Variants in PHF2 observed in about 807,000 individuals in gnomAD.
PHF2 encodes lysine-specific demethylase PHF2.
In PHF2, 27 loss-of-function variants were observed where a neutral mutation model predicts 120.5. That is an observed-to-expected ratio of 0.22 (90% CI 0.17 to 0.31). The LOEUF (loss-of-function observed/expected upper bound fraction) is 0.31, where lower values mean the gene tolerates loss of function less well. PHF2 is among the 10% of genes least tolerant of loss of function. The pLI is 1.00. For missense variants in PHF2, 1,024 were observed against 1,434.8 expected (o/e 0.71, Z 4.63); for synonymous variants, 568 against 592.5 (o/e 0.96, Z 0.60).
chr9:93,636,891 C>CG (rs1826102547), intron 3 of PHF2, among the ~76,000 whole-genome samples: 4 of 152,244 alleles, frequency 2.6e-5, no homozygotes, highest in African/African-American at 9.6e-5. Flanking sequence ...GCTCCCATGG[C>CG]CCAGGCAGGC....
At position 93,634,042 on chromosome 9, in the gene PHF2, G is replaced by A. The variant is rs144637037; in HGVS notation, c.185-2369G>A. The stretch of plus-strand genomic sequence containing the variant: ...CCTTGGAGCCCAGCCCACACTCGGT[G>A]TTCCTCGCAGGTGGTGACCTAAGGG... On this transcript the variant is annotated intron_variant, in intron 2 of 21. Transcript: ENST00000359246. Among the ~76,000 whole-genome samples, 618 of 152,308 alleles carry A rather than the reference G, an allele frequency of 4.1e-3. 10 individuals are homozygous for A. Among genetic ancestry groups the A allele is most frequent in the African/African-American group, 0.014 (568 of 41,574 alleles).
At chr9:93,621,073 G>A (rs1415802347) in intron 1 of PHF2, among the ~76,000 whole-genome samples, 4 of 152,228 alleles carry the variant, frequency 2.6e-5, no homozygotes, top group African/African-American at 7.2e-5. Flanking sequence ...GGCCACTGTC[G>A]GGGTTGGTGG....
At position 93,619,439 on chromosome 9, in the gene PHF2, A is replaced by T. The variant is rs550944495; in HGVS notation, c.99-10531A>T. Among the ~76,000 whole-genome samples the T allele has an allele frequency of 7.9e-5, 12 of 152,354 alleles. No individual in the cohort carries two copies. The South Asian group carries it at 2.5e-3, about 32-fold the overall frequency. On this transcript the variant is annotated intron_variant, in intron 1 of 21. Transcript: ENST00000359246. ...TGACCTTGCCTGTACGAGGCTGAGC[A>T]TTCCAAGTGTCCTCAGGGTGGAGGG...
At position 93,614,398 on chromosome 9, in the gene PHF2, GGCTTCTGTTCCCAGCTA is replaced by G. The variant is rs530554727; in HGVS notation, c.99-15559_99-15543del. Among the ~76,000 whole-genome samples, 36 of 152,310 alleles carry G rather than the reference GGCTTCTGTTCCCAGCTA, an allele frequency of 2.4e-4. No homozygotes were observed. In the South Asian group the frequency reaches 6.4e-3, roughly 27 times the overall value. On this transcript the variant is annotated intron_variant, in intron 1 of 21. Coordinates refer to ENST00000359246, the MANE Select transcript of PHF2 (RefSeq NM_005392.4). ...CCCCAGTGACTTCTGTTTCCCCTGT[GGCTTCTGTTCCCAGCTA>G]GCTTCTGTTCCCTCTGGCTGCCCCT...
chr9:93,578,657 G>A (rs1862879759), intron 1 of PHF2, among the ~76,000 whole-genome samples: 1 of 152,192 alleles, frequency 6.6e-6, no homozygotes, highest in African/African-American at 2.4e-5. Flanking sequence ...GACCCTCTGG[G>A]AAGGGAAGGC....
chr9:93,660,264 GAGA>G lies in PHF2; in HGVS notation c.1405_1407del (p.Lys469del), dbSNP rs1359531273. 1.9e-6 allele frequency: 3 copies of G among 1,609,086 alleles called. No homozygotes were observed. The highest frequency in any genetic ancestry group is 1.1e-5 in the South Asian group (1 of 90,174). Reference sequence around the variant, plus strand: ...AGATGAGGTGTGTGACGGGGACCGGGAGAAGGAGGAGCCCCCGTCTCCCATTGA... The same window carrying G: ...AGATGAGGTGTGTGACGGGGACCGGGAGGAGGAGCCCCCGTCTCCCATTGA... On this transcript the variant is annotated inframe_deletion, in exon 12 of 22. Transcript: ENST00000359246.
rs909618337 is a variant in PHF2, at chr9:93,576,977, GGCCGCCGCC to G, written c.98+118_98+126del. Reference sequence around the variant, plus strand: ...CGCCCGCAGGCCCGGCTCGGGGACGGGCCGCCGCCGCCGCCGCCGCATTCCGGGCGCCCC... The same window carrying G: ...CGCCCGCAGGCCCGGCTCGGGGACGGGCCGCCGCCGCATTCCGGGCGCCCC... On this transcript the variant is annotated intron_variant, in intron 1 of 21. Transcript: ENST00000359246. 6.0e-3 allele frequency: 1,926 copies of G among 318,514 alleles called. 15 individuals carry two copies. Among genetic ancestry groups the G allele is most frequent in the Non-Finnish European group, 7.3e-3 (1,622 of 223,158 alleles). The allele number at this position is 318,514 out of a possible 1,614,324, so 19.7% of individuals were successfully genotyped here.
intron 1 of PHF2, among the ~76,000 whole-genome samples, chr9:93,617,448 T>G (rs570377213): frequency 2.0e-5 from 3 of 152,230 alleles, no homozygotes; most frequent in African/African-American, 7.2e-5. Context: ...GGGAGAGAAC[T>G]CAGGTTTTGC....
chr9:93,619,186 TC>T (rs1031135900), intron 1 of PHF2, among the ~76,000 whole-genome samples: 4 of 152,104 alleles, frequency 2.6e-5, no homozygotes, highest in African/African-American at 7.2e-5. Flanking sequence ...CCCTACCCTT[TC>T]CCTCAGTGTG....
At chr9:93,652,528 TG>T (rs573637643) in intron 5 of PHF2, among the ~76,000 whole-genome samples, 119 of 152,178 alleles carry the variant, frequency 7.8e-4, no homozygotes, top group African/African-American at 2.7e-3. Context: ...CCTGAGTTCG[TG>T]GTCCGCCCAC....
At chr9:93,660,787 G>A (rs1306410712) in intron 12 of PHF2, among the ~76,000 whole-genome samples, 4 of 152,342 alleles carry the variant, frequency 2.6e-5, no homozygotes, top group South Asian at 4.1e-4. Flanking sequence ...ACCCCCCAGA[G>A]TGGACAGGCT....
At chr9:93,667,008 C>T in intron 16 of PHF2, 72 bp from the exon 17 acceptor site, 1 of 1,307,274 alleles carries the variant, frequency 7.6e-7, no homozygotes, top group Non-Finnish European at 1.0e-6. Flanking sequence ...AAAAAGTATC[C>T]TCCTCCCAAC....
chr9:93,630,110 T>C (rs1194970848), intron 2 of PHF2, 55 bp downstream of exon 2: 10 of 1,533,520 alleles, frequency 6.5e-6, no homozygotes, highest in South Asian at 5.6e-5. Flanking sequence ...GCATCCACCC[T>C]GCCTGGGCTG....
intron 1 of PHF2, among the ~76,000 whole-genome samples, chr9:93,604,706 C>T (rs1490991364): frequency 5.9e-5 from 9 of 152,094 alleles, no homozygotes; most frequent in East Asian, 1.9e-4. Context: ...CCTTGTGATC[C>T]GCCTGCCTCG....
At chr9:93,596,292 C>T (rs564677653) in intron 1 of PHF2, among the ~76,000 whole-genome samples, 58 of 152,170 alleles carry the variant, frequency 3.8e-4, no homozygotes, top group Non-Finnish European at 7.8e-4. Context: ...AGGAGTGGAG[C>T]TGACTGAAGC....
chr9:93,665,808 A>G lies in PHF2; in HGVS notation c.2060A>G (p.Lys687Arg). 6.2e-7 allele frequency: 1 copy of G among 1,612,918 alleles called. No homozygotes were observed. The highest frequency in any genetic ancestry group is 8.5e-7 in the Non-Finnish European group (1 of 1,179,530). Residue 687 changes from lysine to arginine, a missense_variant, in exon 15 of 22, where the codon AAG becomes AGG. Coordinates refer to ENST00000359246, the MANE Select transcript of PHF2 (RefSeq NM_005392.4). ...TACGTGTCGGATGACGGTGAGCTCAAGATCGACGAGTTTCCCATCAGGAGG... is the reference window on the plus strand; with the variant it reads ...TACGTGTCGGATGACGGTGAGCTCAGGATCGACGAGTTTCCCATCAGGAGG... ...YEYVSDDGEL[K>R]IDEFPIRRKK...
At chr9:93,583,845 T>G (rs1587659843) in intron 1 of PHF2, among the ~76,000 whole-genome samples, 1 of 108,360 alleles carries the variant, frequency 9.2e-6, no homozygotes, top group South Asian at 2.6e-4. Context: ...TTTTTTTTTT[T>G]GAGACGGAGT....
intron 1 of PHF2, among the ~76,000 whole-genome samples, chr9:93,620,043 T>C (rs1825800197): frequency 6.6e-6 from 1 of 152,156 alleles, no homozygotes; most frequent in South Asian, 2.1e-4. Context: ...AATGCCCTGC[T>C]CTCCCTCGGA....
At chr9:93,670,298 G>A (rs1826758844) in intron 17 of PHF2, among the ~76,000 whole-genome samples, 1 of 152,232 alleles carries the variant, frequency 6.6e-6, no homozygotes, top group African/African-American at 2.4e-5. Flanking sequence ...GCCTTGTCCT[G>A]GGGCCAGGTT....
Sources: gnomAD v4.1 joint callset for allele counts (sites outside exome capture counted in the v4.1 genomes callset) on GRCh38, gnomAD v4.1.1 for gene constraint, MANE v1.5 for transcripts, NCBI Gene and HGNC (gene_info 2026-07-23, HGNC 2026-07-21) for gene names.